ABCD4: variants seen among roughly 807,000 people sequenced by gnomAD.
The protein encoded by ABCD4 is ATP binding cassette subfamily D member 4.
Under a neutral mutation model 86.3 loss-of-function variants are expected in ABCD4, and 53 were observed. That is an observed-to-expected ratio of 0.61 (90% CI 0.49 to 0.77). The LOEUF (loss-of-function observed/expected upper bound fraction) is 0.77, where lower values mean the gene tolerates loss of function less well. Ranked by LOEUF, ABCD4 falls within the 30% of genes least tolerant of loss-of-function variation. ABCD4 has a pLI of 0.00. For synonymous variants in ABCD4, 328 were observed against 313.6 expected (o/e 1.05, Z -0.49); for missense variants, 757 against 764.5 (o/e 0.99, Z 0.12).
chr14:74,291,049 C>T (rs192976680), intron 11 of ABCD4, among the ~76,000 whole-genome samples: 2 of 152,150 alleles, frequency 1.3e-5, no homozygotes, highest in Admixed American at 1.3e-4. Context: ...GACTGGTGTC[C>T]TCTTAAGATA....
chr14:74,300,054 ACT>A (rs2140103311), intron 2 of ABCD4, 94 bp downstream of exon 2: 3 of 747,830 alleles, frequency 4.0e-6, no homozygotes, highest in East Asian at 2.6e-5. Flanking sequence ...CAAGAGAGAA[ACT>A]CTGTCTCAAA....
chr14:74,293,001 C>T, intron 8 of ABCD4, 132 bp from the exon 9 acceptor site: 2 of 1,502,512 alleles, frequency 1.3e-6, no homozygotes, highest in South Asian at 1.3e-5. Context: ...CCTGAGGATA[C>T]TCACAGAAAG....
Position 74,296,361 on chromosome 14 carries a change from C to A in ABCD4, c.514G>T (p.Val172Phe), listed in dbSNP as rs34992370. ...TGGAAGCACTGGTAAGTGTAGTAGA[C>A]GAGGGTGAACGGGGAGATGATGAGC... ...SKLIISPFTLVYYTYQCFQST... is the reference protein window; with the variant it reads ...SKLIISPFTLFYYTYQCFQST... Residue 172 changes from valine to phenylalanine, a missense_variant, in exon 5 of 19, where the codon GTC (valine) becomes TTC (phenylalanine). Physicochemically the swap from Val to Phe is conservative, Grantham distance 50 (BLOSUM62 -1). Transcript: ENST00000356924. The A allele has an allele frequency of 6.2e-7, 1 of 1,613,866 alleles. No individual in the cohort carries two copies.
chr14:74,300,367 G>A, intron 1 of ABCD4, 99 bp from the exon 2 acceptor site: 1 of 745,884 alleles, frequency 1.3e-6, no homozygotes, highest in Non-Finnish European at 2.3e-6. Context: ...AGAGGGTCCA[G>A]GCCATGCAGA....
At chr14:74,286,895 C>A (rs368091794) in intron 17 of ABCD4, 79 bp from the exon 18 acceptor site, 40 of 1,371,830 alleles carry the variant, frequency 2.9e-5, no homozygotes, top group African/African-American at 8.6e-5. Context: ...CCATACTCAA[C>A]CCCAGCTGGG....
At chr14:74,298,551 G>A (rs974794704) in intron 3 of ABCD4, among the ~76,000 whole-genome samples, 10 of 152,180 alleles carry the variant, frequency 6.6e-5, no homozygotes, top group African/African-American at 1.7e-4. Context: ...GATTACAGGC[G>A]TGAGCCACTG....
chr14:74,286,598 T>A, intron 18 of ABCD4, 69 bp from the exon 19 acceptor site: 2 of 1,611,862 alleles, frequency 1.2e-6, no homozygotes, highest in Non-Finnish European at 1.7e-6. Flanking sequence ...CACTCGGTTC[T>A]CTCTGCTACT....
chr14:74,289,469 G>A lies in ABCD4; in HGVS notation c.1456+14C>T, dbSNP rs370062630. 6 of 1,613,654 alleles carry A rather than the reference G, an allele frequency of 3.7e-6. No individual in the cohort carries two copies. The African/African-American group carries it at 6.7e-5, about 18-fold the overall frequency. On this transcript the variant is annotated intron_variant, in intron 14 of 18. Transcript: ENST00000356924. ...ACAGAAGGAGAGGACATGACCTAAGGAGGACCAGCTCACCTGAGTCGGGGT... is the reference window on the plus strand; with the variant it reads ...ACAGAAGGAGAGGACATGACCTAAGAAGGACCAGCTCACCTGAGTCGGGGT...
In ABCD4 at chr14:74,292,584, G is replaced by C. The variant is rs780272622; in HGVS notation, c.995C>G (p.Thr332Arg). Residue 332 changes from threonine to arginine, a missense_variant, in exon 10 of 19, where the codon ACG becomes AGG. Physicochemically the swap from Thr to Arg is moderately conservative, Grantham distance 71. Transcript: ENST00000356924. The part of the protein sequence containing the change: ...SCFTQLIDLS[T>R]TLSDVAGYTH... ...GTAGCCAGCCACATCTGAGAGCGTC[G>C]TGGACAGGTCGATGAGCTGGGTGAA... The C allele has an allele frequency of 2.5e-6, 4 of 1,613,952 alleles. No homozygotes were observed. The highest frequency in any genetic ancestry group is 3.4e-6 in the Non-Finnish European group (4 of 1,180,010).
chr14:74,286,955 G>A (rs2079940806), intron 17 of ABCD4, 139 bp from the exon 18 acceptor site: 1 of 707,814 alleles, frequency 1.4e-6, no homozygotes, highest in Non-Finnish European at 2.3e-6. Context: ...CCTGCCTCAG[G>A]GAGAAGGATG....
chr14:74,291,277 G>C (rs1257046333), intron 11 of ABCD4, among the ~76,000 whole-genome samples: 1 of 152,180 alleles, frequency 6.6e-6, no homozygotes, highest in Non-Finnish European at 1.5e-5. Context: ...TTAATACAGG[G>C]GTAGGGGTGG....
In ABCD4 at chr14:74,293,201, A is replaced by T. The variant is rs1395499792; in HGVS notation, c.767T>A (p.Leu256His). 1.2e-6 allele frequency: 2 copies of T among 1,614,046 alleles called. No individual in the cohort carries two copies. The highest frequency in any genetic ancestry group is 2.7e-5 in the African/African-American group (2 of 74,910). The change falls in exon 8 of 19, where the codon CTC becomes CAC. Residue 256 changes from leucine to histidine, a missense_variant. Physicochemically the swap from Leu to His is moderately conservative, Grantham distance 99. Coordinates refer to ENST00000356924, the MANE Select transcript of ABCD4 (RefSeq NM_005050.4). ...HMRTDRRLQR[L>H]LQTQRELMSK... ...CATCAGCTCCCTCTGGGTCTGAAGG[A>T]GTCTCTGCAGCCTGCGGTCTGTCCT...
At chr14:74,288,801 G>T (rs763683625) in intron 14 of ABCD4, 36 bp from the exon 15 acceptor site, 27 of 1,608,260 alleles carry the variant, frequency 1.7e-5, no homozygotes, top group Non-Finnish European at 2.1e-5. Context: ...AAAAGCCAGA[G>T]CCTCCTGGCT....
At position 74,289,491 on chromosome 14, in the gene ABCD4, G is replaced by C. The variant is rs2080857516; in HGVS notation, c.1448C>G (p.Pro483Arg). 2 of 1,613,720 alleles carry C rather than the reference G, an allele frequency of 1.2e-6. No individual in the cohort carries two copies. The highest frequency in any genetic ancestry group is 1.7e-6 in the Non-Finnish European group (2 of 1,179,950). The change falls in exon 14 of 19, where the codon CCC becomes CGC. Residue 483 changes from proline to arginine, a missense_variant. Transcript: ENST00000356924. The part of the protein sequence containing the change: ...QVIYPLKEVY[P>R]DSGSADDERI... ...AAGGAGGACCAGCTCACCTGAGTCGGGGTAGACCTCCTTCAGGGGATATAT... is the reference window on the plus strand; with the variant it reads ...AAGGAGGACCAGCTCACCTGAGTCGCGGTAGACCTCCTTCAGGGGATATAT...
At chr14:74,296,182 A>G (rs1010909233) in intron 5 of ABCD4, 151 bp downstream of exon 5, 3 of 1,090,280 alleles carry the variant, frequency 2.8e-6, no homozygotes, top group Non-Finnish European at 4.1e-6. Flanking sequence ...GGGCCAAAGG[A>G]AGGGCAGGGG....
intron 14 of ABCD4, chr14:74,289,231 G>A (rs1594840731): frequency 3.7e-6 from 5 of 1,337,352 alleles, no homozygotes; most frequent in East Asian, 2.9e-5. Context: ...ATCTTCATAA[G>A]GGAAGGGGTG....
At position 74,290,373 on chromosome 14, in the gene ABCD4, C is replaced by T. The variant is rs1298286100; in HGVS notation, c.1245G>A (p.Gln415=). The change falls in exon 12 of 19, where the codon CAG becomes CAA. Residue 415 remains glutamine, a synonymous_variant. Transcript: ENST00000356924. The stretch of plus-strand genomic sequence containing the variant: ...CCGTGTTGCCTGTGATGAGCAGGCT[C>T]TGTCCCTCGGAGATCTTTAGGCTCA... ...KDLSLKISEG[Q]SLLITGNTGT... is the part of the protein sequence containing the mutation. 6.2e-7 allele frequency: 1 copy of T among 1,614,020 alleles called. No homozygotes were observed. Among genetic ancestry groups the T allele is most frequent in the Non-Finnish European group, 8.5e-7 (1 of 1,180,050 alleles).
chr14:74,287,597 A>G (rs1444130431), intron 17 of ABCD4, among the ~76,000 whole-genome samples: 2 of 151,626 alleles, frequency 1.3e-5, no homozygotes, highest in Admixed American at 6.6e-5. Flanking sequence ...ACAGAAGAAA[A>G]GCAAGCTTAT....
intron 14 of ABCD4, chr14:74,289,011 C>T (rs571380056): frequency 3.2e-6 from 3 of 924,858 alleles, no homozygotes; most frequent in Admixed American, 3.6e-5. Flanking sequence ...ACGGAAGAGG[C>T]TGAGGCAGGG....
Sources: gnomAD v4.1 joint callset for allele counts (sites outside exome capture counted in the v4.1 genomes callset) on GRCh38, gnomAD v4.1.1 for gene constraint, MANE v1.5 for transcripts, NCBI Gene and HGNC (gene_info 2026-07-23, HGNC 2026-07-21) for gene names.